Variants in AGAP2 observed in about 807,000 individuals in gnomAD.
The protein encoded by AGAP2 is arf-GAP with GTPase, ANK repeat and PH domain-containing protein 2.
In AGAP2, 32 loss-of-function variants were observed where a neutral mutation model predicts 110.9. The ratio of observed to expected loss-of-function variants is 0.29; its 90% CI spans 0.22 to 0.39. The LOEUF (loss-of-function observed/expected upper bound fraction) is 0.39. AGAP2 is among the 10% of genes least tolerant of loss of function. The probability of loss-of-function intolerance (pLI) is 1.00; values close to 1 mark genes in which losing one functional copy is unlikely to be tolerated. For missense variants in AGAP2, 1,285 were observed against 1,638.5 expected, an observed-to-expected ratio of 0.78 and a Z score of 3.72; for synonymous variants, 702 against 713.0, an observed-to-expected ratio of 0.98 and a Z score of 0.25.
rs1429595280 is a variant in AGAP2, at chr12:57,730,781, C to T, written c.2308+10G>A. On this transcript the variant is annotated intron_variant, in intron 11 of 18. Coordinates refer to ENST00000547588, the MANE Select transcript of AGAP2 (RefSeq NM_001122772.3). ...CCCTCTTCTGCTCCTATGTCATAAA[C>T]CTTACTCACCCAGGCCTTCACCCAT... 1.2e-6 allele frequency: 2 copies of T among 1,613,710 alleles called. No individual in the cohort carries two copies. Among genetic ancestry groups the T allele is most frequent in the East Asian group, 2.2e-5 (1 of 44,890 alleles).
Position 57,738,519 on chromosome 12 carries a change from G to T in AGAP2, c.-273C>A, listed in dbSNP as rs1955034462. Among the ~76,000 whole-genome samples the T allele has an allele frequency of 6.6e-6, 1 of 151,860 alleles. No individual in the cohort carries two copies. The highest frequency in any genetic ancestry group is 1.5e-5 in the Non-Finnish European group (1 of 67,896). ...CTGCTCCAGGGAGGCGCGCCGGACC[G>T]TCCACCCCGGCCTGGGTGGGGGCGC... On this transcript the variant is annotated 5_prime_UTR_variant, in exon 1 of 19. Transcript: ENST00000547588. The surrounding 1 kb of genome is among the most constrained non-coding windows in gnomAD (Gnocchi z 6.7).
rs1954862401 is a variant in AGAP2, at chr12:57,730,403, T to C, written c.2428+92A>G. The C allele has an allele frequency of 7.8e-6, 12 of 1,532,424 alleles. 2 individuals carry two copies. The South Asian group carries it at 1.3e-4, about 16-fold the overall frequency. The allele number at this position is 1,532,424 out of a possible 1,614,324, so 94.9% of individuals were successfully genotyped here. ...CTCCATGTGTTCACTCATGCATTTA[T>C]TCCAGCCTCCAAGCCTTCACCCCAT... On this transcript the variant is annotated intron_variant, in intron 12 of 18. Coordinates refer to ENST00000547588, the MANE Select transcript of AGAP2 (RefSeq NM_001122772.3).
upstream of AGAP2, among the ~76,000 whole-genome samples, chr12:57,740,284 A>G (rs1005478265): frequency 3.3e-5 from 5 of 151,968 alleles, no homozygotes; most frequent in Admixed American, 6.6e-5. Flanking sequence ...CAATCCCTCC[A>G]ATGTTCTGTC....
Position 57,732,907 on chromosome 12 carries a change from C to A in AGAP2, c.1622G>T (p.Arg541Leu), listed in dbSNP as rs371402878. 3.7e-6 allele frequency: 6 copies of A among 1,614,054 alleles called. No homozygotes were observed. The Admixed American group carries it at 8.3e-5, about 22-fold the overall frequency. Residue 541 changes from arginine to leucine, a missense_variant, in exon 6 of 19, where the codon CGC becomes CTC. Around this residue, in one of 7 missense-constraint regions of AGAP2, gnomAD observed 844 missense variants for 941.2 expected, o/e 0.90. Transcript: ENST00000547588. ...TGCACAAGTCTCATAGTAGCTGCAG[C>A]GTTTCATGTCCGCGCACAGAGCTCT... ...RARALCADMK[R>L]CSYYETCATY...
chr12:57,734,055 C>G lies in AGAP2; in HGVS notation c.1520G>C (p.Gly507Ala), dbSNP rs147194817. ...LSSLRGEGRGGLALALVGTQD... is the reference protein window; with the variant it reads ...LSSLRGEGRGALALALVGTQD... Reference sequence around the variant, plus strand: ...TGTCCCCACCAGTGCCAAGGCCAGGCCTCCTCGTCCCTCCCCGCGAAGGGA... The same window carrying G: ...TGTCCCCACCAGTGCCAAGGCCAGGGCTCCTCGTCCCTCCCCGCGAAGGGA... Residue 507 changes from glycine to alanine, a missense_variant, in exon 5 of 19, where the codon GGC (glycine) becomes GCC (alanine). Coordinates refer to ENST00000547588, the MANE Select transcript of AGAP2 (RefSeq NM_001122772.3). 5.8e-5 allele frequency: 94 copies of G among 1,607,760 alleles called. No homozygotes were observed. In the African/African-American group the frequency reaches 1.2e-3, roughly 21 times the overall value.
At chr12:57,732,693 G>T in intron 6 of AGAP2, 152 bp downstream of exon 6, 1 of 1,441,188 alleles carries the variant, frequency 6.9e-7, no homozygotes, top group Non-Finnish European at 9.4e-7. Context: ...CGACTATTAA[G>T]CAAACCTTCT....
At chr12:57,741,807 G>A (rs1955079345), upstream of AGAP2, 1 of 1,338,614 alleles carries the variant, frequency 7.5e-7, no homozygotes, top group Non-Finnish European at 1.0e-6. Flanking sequence ...CCCATCTTGG[G>A]GACTAGGAAG....
At chr12:57,741,172 A>C (rs1565800555), upstream of AGAP2, among the ~76,000 whole-genome samples, 1 of 152,310 alleles carries the variant, frequency 6.6e-6, no homozygotes, top group East Asian at 1.9e-4. Context: ...CCAGGGCTCC[A>C]CCACAGGACT....
rs916977460 is a variant in AGAP2, at chr12:57,735,886, T to C, written c.1169-459A>G. On this transcript the variant is annotated intron_variant, in intron 1 of 18. Coordinates refer to ENST00000547588, the MANE Select transcript of AGAP2 (RefSeq NM_001122772.3). ...AACCTCCATTCCACAGGAGAGAAAC[T>C]GAGGTGAGGGGTTTCCCTCCCCTTC... Among the ~76,000 whole-genome samples the C allele has an allele frequency of 3.3e-5, 5 of 152,192 alleles. No homozygotes were observed. The South Asian group carries it at 1.0e-3, about 32-fold the overall frequency.
chr12:57,741,452 C>CGT (rs148891707), upstream of AGAP2, among the ~76,000 whole-genome samples: 104 of 150,876 alleles, frequency 6.9e-4, no homozygotes, highest in East Asian at 1.2e-3. Flanking sequence ...AATGTGCATG[C>CGT]GTGTGTGTGT....
chr12:57,736,744 C>T, intron 1 of AGAP2, among the ~76,000 whole-genome samples: 1 of 152,230 alleles, frequency 6.6e-6, no homozygotes, highest in East Asian at 1.9e-4. Flanking sequence ...AGCCCCGTTT[C>T]CATGCTCCCA....
Position 57,737,034 on chromosome 12 carries a change from C to T in AGAP2, c.1168+45G>A. 6.8e-7 allele frequency: 1 copy of T among 1,461,928 alleles called. No homozygotes were observed. Among genetic ancestry groups the T allele is most frequent in the South Asian group, 1.4e-5 (1 of 69,064 alleles). The allele number at this position is 1,461,928 out of a possible 1,614,324, so 90.6% of individuals were successfully genotyped here. Reference sequence around the variant, plus strand: ...GCTCCTCCACCCCAAGCTGAGCATTCCAGGTACCCTTCCCTCCCTGTTCTC... The same window carrying T: ...GCTCCTCCACCCCAAGCTGAGCATTTCAGGTACCCTTCCCTCCCTGTTCTC... On this transcript the variant is annotated intron_variant, in intron 1 of 18. Transcript: ENST00000547588. This position sits in a 1 kb window ranked among gnomAD's most constrained non-coding sequence, Gnocchi z 5.9.
intron 16 of AGAP2, 45 bp from the exon 17 acceptor site, chr12:57,727,627 G>C: frequency 6.3e-7 from 1 of 1,589,844 alleles, no homozygotes; most frequent in Non-Finnish European, 8.5e-7. Flanking sequence ...GGCAGCACAG[G>C]CACCCCGGCA....
chr12:57,730,501 T>C lies in AGAP2; in HGVS notation c.2422A>G (p.Ser808Gly). 3 of 1,614,170 alleles carry C rather than the reference T, an allele frequency of 1.9e-6. No individual in the cohort carries two copies. Among genetic ancestry groups the C allele is most frequent in the Non-Finnish European group, 2.5e-6 (3 of 1,180,016 alleles). The part of the protein sequence containing the change: ...KPDRNLARAL[S>G]TDCTPSGDLS... Reference sequence around the variant, plus strand: ...GAAGGTCATCCCCACTGACCCGTGCTGAGGGCTCGGGCCAAATTCCGGTCT... The same window carrying C: ...GAAGGTCATCCCCACTGACCCGTGCCGAGGGCTCGGGCCAAATTCCGGTCT... The change falls in exon 12 of 19, where the codon AGC (serine) becomes GGC (glycine). Residue 808 changes from serine (S) to glycine (G), a missense_variant. Physicochemically the swap from Ser to Gly is moderately conservative, Grantham distance 56 (BLOSUM62 0). Transcript: ENST00000547588.
intron 2 of AGAP2, 34 bp from the exon 3 acceptor site, chr12:57,734,713 A>T (rs964590702): frequency 1.2e-6 from 2 of 1,604,014 alleles, no homozygotes; most frequent in Non-Finnish European, 1.7e-6. Context: ...AAATTGTGGG[A>T]TATAAGAGAA....
intron 1 of AGAP2, among the ~76,000 whole-genome samples, chr12:57,736,378 C>T (rs1051709181): frequency 6.6e-6 from 1 of 152,240 alleles, no homozygotes; most frequent in African/African-American, 2.4e-5. Context: ...TCCCGGGGTA[C>T]GGATTGCCTT....
In AGAP2 at chr12:57,737,183, C is replaced by T. The variant is rs975933672; in HGVS notation, c.1064G>A (p.Ser355Asn). ...CCCGGAGCCAGGAGGCCCTCCTGTG[C>T]TCTTGGTGAAGATGCCGCTGATAAA... ...LKFISGIFTK[S>N]TGGPPGSGPL... Residue 355 changes from serine to asparagine, a missense_variant, in exon 1 of 19, where the codon AGC (serine) becomes AAC (asparagine). By Grantham distance (46) the Ser-to-Asn change is conservative. Around this residue, in one of 7 missense-constraint regions of AGAP2, gnomAD observed 844 missense variants for 941.2 expected, o/e 0.90. Transcript: ENST00000547588. This position sits in a 1 kb window ranked among gnomAD's most constrained non-coding sequence, Gnocchi z 5.9. 1.3e-6 allele frequency: 2 copies of T among 1,590,968 alleles called. No homozygotes were observed. Among genetic ancestry groups the T allele is most frequent in the African/African-American group, 1.3e-5 (1 of 74,742 alleles).
rs1954765551 is a variant in AGAP2, at chr12:57,726,536, C to T, written c.*16G>A. 4 of 1,213,906 alleles carry T rather than the reference C, an allele frequency of 3.3e-6. No individual in the cohort carries two copies. The highest frequency in any genetic ancestry group is 4.1e-6 in the Non-Finnish European group (4 of 974,956). 75.2% of individuals were successfully genotyped at this position (1,213,906 alleles called of 1,614,324 possible). On this transcript the variant is annotated 3_prime_UTR_variant, in exon 19 of 19. Transcript: ENST00000547588. The surrounding 1 kb of genome is among the most constrained non-coding windows in gnomAD (Gnocchi z 5.7). ...CCGGCCCGCGTGGGGATGGGGGTGT[C>T]TCTCCCGCTGGGCAACTATACCAGC...
intron 1 of AGAP2, 99 bp from the exon 2 acceptor site, chr12:57,735,526 C>G (rs1037760383): frequency 2.0e-5 from 22 of 1,125,620 alleles, no homozygotes; most frequent in East Asian, 9.9e-5. Flanking sequence ...CCAACCCCCC[C>G]CCAACCCTGC....
Sources: allele counts gnomAD v4.1 joint callset (sites outside exome capture counted in the v4.1 genomes callset), GRCh38; gene constraint gnomAD v4.1.1; regional missense constraint gnomAD v4.1.1; non-coding constraint Gnocchi (gnomAD v3.1); transcripts MANE v1.5; gene names NCBI Gene and HGNC (gene_info 2026-07-23, HGNC 2026-07-21).